PLA2G4D: variants seen among roughly 807,000 people sequenced by gnomAD.
PLA2G4D encodes phospholipase A2 group IVD.
PLA2G4D carries 80 observed loss-of-function variants against 94.4 expected under a neutral mutation model. That is an observed-to-expected ratio of 0.85 (90% CI 0.71 to 1.02). The LOEUF (loss-of-function observed/expected upper bound fraction) is 1.02, where lower values mean the gene tolerates loss of function less well. PLA2G4D is among the 50% of genes least tolerant of loss of function. PLA2G4D has a pLI of 0.00. For missense variants in PLA2G4D, 1,050 were observed against 1,034.7 expected (o/e 1.01, Z -0.20); for synonymous variants, 438 against 440.9 (o/e 0.99, Z 0.08).
chr15:42,074,321 C>T (rs1379785640), intron 13 of PLA2G4D, among the ~76,000 whole-genome samples: 2 of 152,012 alleles, frequency 1.3e-5, no homozygotes, highest in Non-Finnish European at 1.5e-5. Flanking sequence ...TCTGATGATT[C>T]GAGGGTCCCA....
At chr15:42,092,497 C>G (rs1224226560) in intron 1 of PLA2G4D, among the ~76,000 whole-genome samples, 1 of 152,166 alleles carries the variant, frequency 6.6e-6, no homozygotes, top group African/African-American at 2.4e-5. Context: ...ACTGAGATAA[C>G]CGACACTTTA....
rs539570150 is a variant in PLA2G4D, at chr15:42,070,810, G to T, written c.1950C>A (p.Tyr650Ter). 5.5e-5 allele frequency: 88 copies of T among 1,609,132 alleles called. 1 individual carries two copies. In the South Asian group the frequency reaches 6.0e-4, roughly 11 times the overall value. The change falls in exon 18 of 20, where the codon TAC becomes TAA. Residue 650 changes from tyrosine to a stop codon, truncating the protein, a stop_gained. Transcript: ENST00000290472. LOFTEE classifies it high-confidence loss of function. ...TGGAGGGAGAGCTGGTGTTGATGAA[G>T]TAGGCGGCGTCCACCAGGCAGAGCC... ...EPRLCLVDAA[Y>*]FINTSSPSMF...
Position 42,081,471 on chromosome 15 carries a change from C to G in PLA2G4D, c.957+8G>C. 6.2e-7 allele frequency: 1 copy of G among 1,612,874 alleles called. No homozygotes were observed. On this transcript the variant is annotated splice_region_variant and intron_variant, in intron 11 of 19. Coordinates refer to ENST00000290472, the MANE Select transcript of PLA2G4D (RefSeq NM_178034.4). ...TATCTGCACACACATCCCTCTGCACCCCCAGACCTCATCCTCCTGCAGGTC... is the reference window on the plus strand; with the variant it reads ...TATCTGCACACACATCCCTCTGCACGCCCAGACCTCATCCTCCTGCAGGTC...
chr15:42,071,269 G>C lies in PLA2G4D; in HGVS notation c.1730C>G (p.Ser577Trp). The change falls in exon 17 of 20, where the codon TCG becomes TGG. Residue 577 changes from serine to tryptophan, a missense_variant. Ser to Trp is a radical substitution (Grantham distance 177). Coordinates refer to ENST00000290472, the MANE Select transcript of PLA2G4D (RefSeq NM_178034.4). ...TSGTSSRLEASWLQPGTALAQ... is the reference protein window; with the variant it reads ...TSGTSSRLEAWWLQPGTALAQ... ...CAGCGCCGTGCCTGGCTGCAGCCAC[G>C]AGGCCTCCAGCCGCGAGGAGGTCCC... The C allele has an allele frequency of 6.2e-7, 1 of 1,603,396 alleles. No individual in the cohort carries two copies. The highest frequency in any genetic ancestry group is 1.1e-5 in the South Asian group (1 of 89,572).
Position 42,081,514 on chromosome 15 carries a change from C to T in PLA2G4D, c.922G>A (p.Ala308Thr). The T allele has an allele frequency of 6.2e-7, 1 of 1,614,210 alleles. No individual in the cohort carries two copies. Among genetic ancestry groups the T allele is most frequent in the Non-Finnish European group, 8.5e-7 (1 of 1,180,018 alleles). ...KQVVAKALKQ[A>T]LQLDRDLQED... Reference sequence around the variant, plus strand: ...TGCAGGTCTCTGTCCAGCTGCAGGGCCTGCTTCAGGGCCTTGGCCACCACC... The same window carrying T: ...TGCAGGTCTCTGTCCAGCTGCAGGGTCTGCTTCAGGGCCTTGGCCACCACC... Residue 308 changes from alanine to threonine, a missense_variant, in exon 11 of 20, where the codon GCC becomes ACC. Transcript: ENST00000290472.
At chr15:42,072,665 C>T (rs185471950) in intron 13 of PLA2G4D, among the ~76,000 whole-genome samples, 55 of 152,312 alleles carry the variant, frequency 3.6e-4, no homozygotes, top group Admixed American at 1.6e-3. Flanking sequence ...GCGGTGCTTC[C>T]AGGCCCATCT....
intron 1 of PLA2G4D, among the ~76,000 whole-genome samples, chr15:42,093,927 G>A (rs1051660939): frequency 3.3e-5 from 5 of 152,170 alleles, no homozygotes; most frequent in African/African-American, 1.2e-4. Flanking sequence ...GGGGGGTGGC[G>A]AGAAGTTTGC....
chr15:42,078,763 A>C (rs959725790), intron 13 of PLA2G4D, among the ~76,000 whole-genome samples: 1 of 152,148 alleles, frequency 6.6e-6, no homozygotes, highest in Admixed American at 6.5e-5. Flanking sequence ...TGCTACTAAT[A>C]TATTCCATAC....
chr15:42,082,779 G>A (rs973113489), intron 8 of PLA2G4D, among the ~76,000 whole-genome samples: 1 of 152,136 alleles, frequency 6.6e-6, no homozygotes, highest in Non-Finnish European at 1.5e-5. Flanking sequence ...GGAGGAGGAG[G>A]CAGCCTTGGA....
chr15:42,094,020 G>A (rs1327303816), intron 1 of PLA2G4D, among the ~76,000 whole-genome samples: 1 of 152,162 alleles, frequency 6.6e-6, no homozygotes, highest in Non-Finnish European at 1.5e-5. Flanking sequence ...GGCCCCCAGA[G>A]CTCTGGAGAC....
chr15:42,086,737 A>C (rs573191981), intron 3 of PLA2G4D, among the ~76,000 whole-genome samples: 3 of 152,304 alleles, frequency 2.0e-5, no homozygotes, highest in African/African-American at 7.2e-5. Flanking sequence ...CTGTAATCCC[A>C]GCTACTCGGG....
At chr15:42,091,422 G>A (rs113384150) in intron 1 of PLA2G4D, among the ~76,000 whole-genome samples, 40 of 152,302 alleles carry the variant, frequency 2.6e-4, no homozygotes, top group African/African-American at 8.7e-4. Flanking sequence ...ACAAGAGTGC[G>A]AGCCTTCTGT....
Position 42,094,431 on chromosome 15 carries a change from G to T in PLA2G4D, c.29C>A (p.Pro10His), listed in dbSNP as rs1378254805. The T allele has an allele frequency of 1.9e-6, 3 of 1,614,108 alleles. No individual in the cohort carries two copies. The highest frequency in any genetic ancestry group is 2.7e-5 in the African/African-American group (2 of 75,044). The change falls in exon 1 of 20, where the codon CCT (proline) becomes CAT (histidine). Residue 10 changes from proline (P) to histidine (H), a missense_variant. Coordinates refer to ENST00000290472, the MANE Select transcript of PLA2G4D (RefSeq NM_178034.4). ...CACTGTTACCTGGTAAGGGTGGCCA[G>T]GTGGTCCCCCAGGTGACAGGCTCTC... MESLSPGGP[P>H]GHPYQGEAST...
chr15:42,070,087 C>A lies in PLA2G4D; in HGVS notation c.2052G>T (p.Gln684His). 6.6e-7 allele frequency: 1 copy of A among 1,510,092 alleles called. No homozygotes were observed. The highest frequency in any genetic ancestry group is 2.7e-5 in the East Asian group (1 of 36,924). The allele number at this position is 1,510,092 out of a possible 1,614,324, so 93.5% of individuals were successfully genotyped here. A position where few individuals can be genotyped will look rare whatever the true frequency, so the allele number is the denominator to read the frequency against. ...YSLSAPFEALQQTELYCRARG... is the reference protein window; with the variant it reads ...YSLSAPFEALHQTELYCRARG... ...GGGCCCGGCAGTACAGCTCCGTCTGCTGCAGTGCCTGGTGGGGAGAAGGTG... is the reference window on the plus strand; with the variant it reads ...GGGCCCGGCAGTACAGCTCCGTCTGATGCAGTGCCTGGTGGGGAGAAGGTG... The change falls in exon 19 of 20, where the codon CAG becomes CAT. Residue 684 changes from glutamine (Q) to histidine (H), a missense_variant. Gln to His is a conservative substitution (Grantham distance 24). Transcript: ENST00000290472.
At chr15:42,069,838 G>T in intron 19 of PLA2G4D, 71 bp downstream of exon 19, 1 of 1,251,412 alleles carries the variant, frequency 8.0e-7, no homozygotes, top group Non-Finnish European at 1.1e-6. Flanking sequence ...CCCTCTGCTG[G>T]GCAGCCGGGG....
chr15:42,089,903 T>C (rs1890220018), intron 1 of PLA2G4D, among the ~76,000 whole-genome samples: 1 of 152,124 alleles, frequency 6.6e-6, no homozygotes, highest in South Asian at 2.1e-4. Flanking sequence ...CATTTCTCCC[T>C]CCCATCACTG....
intron 9 of PLA2G4D, 47 bp from the exon 10 acceptor site, chr15:42,081,881 G>A (rs762886218): frequency 3.1e-6 from 5 of 1,608,394 alleles, no homozygotes; most frequent in East Asian, 2.2e-5. Flanking sequence ...TAGACCCTAA[G>A]CGGCACATGG....
At position 42,069,967 on chromosome 15, in the gene PLA2G4D, G is replaced by A; in HGVS notation, c.2172C>T (p.Ala724=). Residue 724 remains alanine (A), a synonymous_variant, in exon 19 of 20, where the codon GCC becomes GCT. Transcript: ENST00000290472. ...CCAGCGGGAAGTGCAGCAGGATCGG[G>A]GCCTCGGGGCAGGCGGGGTCTGAGA... ...HLFSDPACPE[A]PILLHFPLVN... 6.8e-7 allele frequency: 1 copy of A among 1,468,616 alleles called. No individual in the cohort carries two copies. The highest frequency in any genetic ancestry group is 9.0e-7 in the Non-Finnish European group (1 of 1,113,646). The allele number at this position is 1,468,616 out of a possible 1,614,324, so 91.0% of individuals were successfully genotyped here.
In PLA2G4D at chr15:42,089,203, T is replaced by C. The variant is rs545857563; in HGVS notation, c.46-1503A>G. On this transcript the variant is annotated intron_variant, in intron 1 of 19. Transcript: ENST00000290472. The stretch of plus-strand genomic sequence containing the variant: ...ACCAGAGGTGTTTCCTGCTTTGCGC[T>C]CTCCCGTGACCAGACCCACTTCCAT... Among the ~76,000 whole-genome samples, 11 of 151,960 alleles carry C rather than the reference T, an allele frequency of 7.2e-5. No individual in the cohort carries two copies. The South Asian group carries it at 2.3e-3, about 32-fold the overall frequency.
Sources: allele counts gnomAD v4.1 joint callset (sites outside exome capture counted in the v4.1 genomes callset), GRCh38; gene constraint gnomAD v4.1.1; transcripts MANE v1.5; gene names NCBI Gene and HGNC (gene_info 2026-07-23, HGNC 2026-07-21).